Variants in UXS1 observed in about 807,000 individuals in gnomAD.
UXS1 encodes UDP-glucuronate decarboxylase 1, also known as UDP-glucuronic acid decarboxylase 1.
A neutral mutation model predicts 62.6 loss-of-function variants in UXS1; 33 were observed. The observed-to-expected ratio is 0.53, with a 90% CI of 0.40 to 0.70. UXS1 has a LOEUF of 0.70. Ranked by LOEUF, UXS1 falls within the 30% of genes least tolerant of loss-of-function variation. The pLI is 0.00. For synonymous variants in UXS1, 213 were observed against 206.8 expected (o/e 1.03, Z -0.26); for missense variants, 434 against 556.3 (o/e 0.78, Z 2.21).
At chr2:106,189,501 G>A (rs573681256) in intron 1 of UXS1, among the ~76,000 whole-genome samples, 4 of 152,160 alleles carry the variant, frequency 2.6e-5, no homozygotes, top group Non-Finnish European at 4.4e-5. Context: ...ACTTACACTC[G>A]CAGCGAAGTG....
At chr2:106,159,637 C>T (rs2105045636) in intron 4 of UXS1, among the ~76,000 whole-genome samples, 1 of 152,284 alleles carries the variant, frequency 6.6e-6, no homozygotes, top group East Asian at 1.9e-4. Context: ...TCTGAGACAT[C>T]AGCTTTATGG....
intron 1 of UXS1, among the ~76,000 whole-genome samples, chr2:106,192,501 C>A (rs1684994436): frequency 6.6e-6 from 1 of 151,058 alleles, no homozygotes; most frequent in African/African-American, 2.4e-5. Context: ...GTGCAGTGAG[C>A]CGAGATCGCG....
intron 1 of UXS1, 28 bp downstream of exon 1, chr2:106,194,120 C>A (rs1288282157): frequency 6.9e-6 from 10 of 1,457,252 alleles, no homozygotes; most frequent in Non-Finnish European, 9.1e-6. Context: ...GAATGGGGCT[C>A]CCCAGCTGGC....
rs1680826212 is a variant in UXS1, at chr2:106,138,283, C to T, written c.472+6907G>A. ...CTCACCATCCTTGGTCAGAAATAATCCCTTGCCTGCACCACTAGTCCACAA... is the reference window on the plus strand; with the variant it reads ...CTCACCATCCTTGGTCAGAAATAATTCCTTGCCTGCACCACTAGTCCACAA... On this transcript the variant is annotated intron_variant, in intron 6 of 14. Transcript: ENST00000283148. 5 of 985,374 alleles carry T rather than the reference C, an allele frequency of 5.1e-6. No homozygotes were observed. In the South Asian group the frequency reaches 1.9e-4, roughly 37 times the overall value. 61.0% of individuals were successfully genotyped at this position (985,374 alleles called of 1,614,324 possible).
At chr2:106,128,921 A>G (rs183790813) in intron 7 of UXS1, among the ~76,000 whole-genome samples, 3 of 152,302 alleles carry the variant, frequency 2.0e-5, no homozygotes, top group Admixed American at 2.0e-4. Flanking sequence ...CTATACTTAA[A>G]TCCATCATTT....
chr2:106,187,217 C>A (rs974789286), intron 1 of UXS1, among the ~76,000 whole-genome samples: 12 of 152,224 alleles, frequency 7.9e-5, no homozygotes, highest in African/African-American at 2.6e-4. Context: ...TGAAAATTCA[C>A]AATTTCCAGC....
At chr2:106,155,250 G>T (rs149976025) in intron 5 of UXS1, among the ~76,000 whole-genome samples, 151 of 152,190 alleles carry the variant, frequency 9.9e-4, no homozygotes, top group African/African-American at 3.6e-3. Flanking sequence ...AAAATAAACT[G>T]GCAGTCAAGA....
At chr2:106,164,503 TAA>T (rs937708550) in intron 3 of UXS1, among the ~76,000 whole-genome samples, 15 of 152,242 alleles carry the variant, frequency 9.9e-5, no homozygotes, top group South Asian at 6.2e-4. Flanking sequence ...AAAAGTCATG[TAA>T]AAGTCTAAAT....
chr2:106,154,596 C>T (rs1394998404), intron 5 of UXS1, among the ~76,000 whole-genome samples: 3 of 152,186 alleles, frequency 2.0e-5, no homozygotes, highest in Non-Finnish European at 2.9e-5. Flanking sequence ...TCAGAGCCTT[C>T]AGAGGGGCAT....
At chr2:106,164,946 C>T in intron 2 of UXS1, 147 bp from the exon 3 acceptor site, 1 of 581,830 alleles carries the variant, frequency 1.7e-6, no homozygotes, top group Non-Finnish European at 2.9e-6. Context: ...AAGGGATGCA[C>T]CAGAGGAAAA....
At chr2:106,144,819 A>T (rs1219937225) in intron 6 of UXS1, among the ~76,000 whole-genome samples, 2 of 152,136 alleles carry the variant, frequency 1.3e-5, no homozygotes, top group South Asian at 2.1e-4. Flanking sequence ...GTCTCCATGA[A>T]CTCATCACCT....
intron 9 of UXS1, among the ~76,000 whole-genome samples, chr2:106,121,623 A>G (rs1679529396): frequency 6.6e-6 from 1 of 152,348 alleles, no homozygotes; most frequent in Non-Finnish European, 1.5e-5. Flanking sequence ...CCCCAAAATG[A>G]TGAAAGTATG....
At chr2:106,129,608 C>A (rs1680262836) in intron 7 of UXS1, 66 bp downstream of exon 7, 2 of 1,284,806 alleles carry the variant, frequency 1.6e-6, no homozygotes, top group Non-Finnish European at 1.1e-6. Flanking sequence ...GATTCAATGA[C>A]CTATGCTTGT....
intron 1 of UXS1, among the ~76,000 whole-genome samples, chr2:106,168,979 C>T (rs1355984358): frequency 6.6e-6 from 1 of 152,160 alleles, no homozygotes; most frequent in East Asian, 1.9e-4. Context: ...TGTTTACTTA[C>T]TTTTAAAAAA....
intron 10 of UXS1, among the ~76,000 whole-genome samples, chr2:106,106,130 C>T (rs750841932): frequency 1.3e-5 from 2 of 152,110 alleles, no homozygotes; most frequent in East Asian, 1.9e-4. Context: ...CTTGGGAGGC[C>T]GAGATGGGCA....
At chr2:106,160,282 G>A (rs945029962) in intron 4 of UXS1, 4 of 152,278 alleles carry the variant, frequency 2.6e-5, no homozygotes, top group African/African-American at 9.7e-5. Context: ...CGATATCCAT[G>A]TCTTCAGCCT....
In UXS1 at chr2:106,166,218, T is replaced by C. The variant is rs551047127; in HGVS notation, c.95-135A>G. ...TAACTTACGAAGACAACAAAATGCATACTTTGTTTTCAAAACAATTAAATC... is the reference window on the plus strand; with the variant it reads ...TAACTTACGAAGACAACAAAATGCACACTTTGTTTTCAAAACAATTAAATC... On this transcript the variant is annotated intron_variant, in intron 1 of 14. Coordinates refer to ENST00000283148, the MANE Select transcript of UXS1 (RefSeq NM_001253875.2). The C allele has an allele frequency of 1.3e-5, 10 of 787,520 alleles. No homozygotes were observed. The South Asian group carries it at 1.7e-4, about 14-fold the overall frequency. The allele number at this position is 787,520 out of a possible 1,614,324, so 48.8% of individuals were successfully genotyped here.
intron 10 of UXS1, among the ~76,000 whole-genome samples, chr2:106,112,042 C>G (rs1450412735): frequency 6.6e-6 from 1 of 152,174 alleles, no homozygotes; most frequent in Non-Finnish European, 1.5e-5. Context: ...GCTGTGGGAA[C>G]AGGTGTGGAA....
At chr2:106,155,972 C>T (rs893764376) in intron 5 of UXS1, among the ~76,000 whole-genome samples, 1 of 152,068 alleles carries the variant, frequency 6.6e-6, no homozygotes, top group Non-Finnish European at 1.5e-5. Context: ...CATGGTAAAT[C>T]TTTGTGCCCT....
Sources: allele counts gnomAD v4.1 joint callset (sites outside exome capture counted in the v4.1 genomes callset), GRCh38; gene constraint gnomAD v4.1.1; transcripts MANE v1.5; gene names NCBI Gene and HGNC (gene_info 2026-07-23, HGNC 2026-07-21).